FGFR2: variants seen among roughly 807,000 people sequenced by gnomAD.
FGFR2 encodes fibroblast growth factor receptor 2.
In FGFR2, 19 loss-of-function variants were observed where a neutral mutation model predicts 95.9. The ratio of observed to expected loss-of-function variants is 0.20; its 90% confidence interval spans 0.14 to 0.29. The LOEUF (loss-of-function observed/expected upper bound fraction) is 0.29, where lower values mean the gene tolerates loss of function less well. FGFR2 is among the 10% of genes least tolerant of loss of function. The pLI is 1.00. For missense variants in FGFR2, 707 were observed against 1,056.9 expected, an observed-to-expected ratio of 0.67 and a Z score of 4.59; for synonymous variants, 392 against 393.3, an observed-to-expected ratio of 1.00 and a Z score of 0.04.
At chr10:121,592,848 T>G (rs1862867639) in intron 2 of FGFR2, among the ~76,000 whole-genome samples, 1 of 152,168 alleles carries the variant, frequency 6.6e-6, no homozygotes. Context: ...ATCTGCCGTT[T>G]TATTCTCGGA....
At position 121,487,202 on chromosome 10, in the gene FGFR2, A is replaced by G. The variant is rs981733053; in HGVS notation, c.2057+152T>C. ...GTAACAGAGCATTGGTTATCAGCCT[A>G]CCATAAAATCTGTCCTTTCTAAGGC... On this transcript the variant is annotated intron_variant, in intron 15 of 17. Coordinates refer to ENST00000358487, the MANE Select transcript of FGFR2 (RefSeq NM_000141.5). The G allele has an allele frequency of 4.0e-5, 30 of 742,652 alleles. No homozygotes were observed. In the Admixed American group the frequency reaches 5.0e-4, roughly 12 times the overall value. The allele number at this position is 742,652 out of a possible 1,614,324, so 46.0% of individuals were successfully genotyped here.
chr10:121,503,811 T>A lies in FGFR2; in HGVS notation c.1418A>T (p.Lys473Ile), dbSNP rs1383333777. 1 of 1,614,092 alleles carries A rather than the reference T, an allele frequency of 6.2e-7. No individual in the cohort carries two copies. The highest frequency in any genetic ancestry group is 8.5e-7 in the Non-Finnish European group (1 of 1,180,002). Reference protein sequence around the residue: ...VSEYELPEDPKWEFPRDKLTL... With the variant: ...VSEYELPEDPIWEFPRDKLTL... ...TCACTTATCTCTTGGAAACTCCCATTTTGGGTCCTCTGGAAGTTCATACTC... is the reference window on the plus strand; with the variant it reads ...TCACTTATCTCTTGGAAACTCCCATATTGGGTCCTCTGGAAGTTCATACTC... The change falls in exon 10 of 18, where the codon AAA (lysine) becomes ATA (isoleucine). Residue 473 changes from lysine (K) to isoleucine (I), a missense_variant. Lys to Ile is a moderately radical substitution (Grantham distance 102). Around this residue, in one of 7 missense-constraint regions of FGFR2, gnomAD observed 194 missense variants for 267.3 expected, o/e 0.73. Transcript: ENST00000358487.
intron 2 of FGFR2, among the ~76,000 whole-genome samples, chr10:121,577,172 T>TAGAGAGAG (rs1206648416): frequency 3.2e-4 from 1 of 3,142 alleles, no homozygotes; most frequent in African/African-American, 1.4e-3. Context: ...TATATATATA[T>TAGAGAGAG]ATATATAGAG....
chr10:121,517,298 G>A lies in FGFR2; in HGVS notation c.1084+21C>T, dbSNP rs2134253013. ...AACCAAGAAAAGGGAAAAAAACCCA[G>A]AGAGAAAGAACAGTATATACCTGGC... is the stretch of plus-strand genomic sequence containing the variant. On this transcript the variant is annotated intron_variant, in intron 8 of 17. Coordinates refer to ENST00000358487, the MANE Select transcript of FGFR2 (RefSeq NM_000141.5). This position sits in a 1 kb window ranked among gnomAD's most constrained non-coding sequence, Gnocchi z 4.7. 1.9e-6 allele frequency: 3 copies of A among 1,613,954 alleles called. No individual in the cohort carries two copies. Among genetic ancestry groups the A allele is most frequent in the Non-Finnish European group, 2.5e-6 (3 of 1,179,874 alleles).
intron 17 of FGFR2, among the ~76,000 whole-genome samples, chr10:121,483,162 G>A (rs903899466): frequency 2.0e-5 from 3 of 152,170 alleles, no homozygotes; most frequent in Admixed American, 2.0e-4. Context: ...GCTCATTGTA[G>A]AAAACAGTGT....
intron 9 of FGFR2, among the ~76,000 whole-genome samples, chr10:121,511,716 G>A (rs1366834634): frequency 6.6e-6 from 1 of 152,148 alleles, no homozygotes; most frequent in Non-Finnish European, 1.5e-5. Context: ...AGGACACAGG[G>A]AGATGCCACC....
intron 6 of FGFR2, among the ~76,000 whole-genome samples, chr10:121,524,146 AC>A (rs1554933622): frequency 7.3e-6 from 1 of 136,892 alleles, no homozygotes; most frequent in Non-Finnish European, 1.5e-5. Context: ...ACACACACAC[AC>A]CCCAAGTTTG....
chr10:121,540,399 C>G (rs1309192977), intron 5 of FGFR2, among the ~76,000 whole-genome samples: 1 of 152,140 alleles, frequency 6.6e-6, no homozygotes, highest in Non-Finnish European at 1.5e-5. Context: ...AGCGCGTCTC[C>G]CCTTAAGAGA....
At chr10:121,580,072 T>G (rs1050897201) in intron 2 of FGFR2, among the ~76,000 whole-genome samples, 1 of 152,150 alleles carries the variant, frequency 6.6e-6, no homozygotes, top group African/African-American at 2.4e-5. Context: ...CAGATCCCGT[T>G]TGACATTTTC....
In FGFR2 at chr10:121,551,036, C is replaced by T. The variant is rs569953894; in HGVS notation, c.624+254G>A. On this transcript the variant is annotated intron_variant, in intron 5 of 17. Transcript: ENST00000358487. ...GAGATCAAGACCATCCTGGACAACA[C>T]GGTGAAACCCCGTCTCTGCTACAGA... is the stretch of plus-strand genomic sequence containing the variant. Among the ~76,000 whole-genome samples, 148 of 152,112 alleles carry T rather than the reference C, an allele frequency of 9.7e-4. 1 individual carries two copies. Among genetic ancestry groups the T allele is most frequent in the African/African-American group, 3.2e-3 (132 of 41,496 alleles).
intron 7 of FGFR2, among the ~76,000 whole-genome samples, chr10:121,519,104 G>C (rs1411474457): frequency 6.6e-6 from 1 of 152,204 alleles, no homozygotes; most frequent in African/African-American, 2.4e-5. Flanking sequence ...TTGATCCTTG[G>C]AATTATTAGC....
rs1238393242 is a variant in FGFR2 at position 121,485,718 on chromosome 10, A to C, written c.2058-186T>G. 6.6e-6 allele frequency among the ~76,000 whole-genome samples: 1 copy of C among 152,122 alleles called. No individual in the cohort carries two copies. Among genetic ancestry groups the C allele is most frequent in the Non-Finnish European group, 1.5e-5 (1 of 68,016 alleles). On this transcript the variant is annotated intron_variant, in intron 15 of 17. Coordinates refer to ENST00000358487, the MANE Select transcript of FGFR2 (RefSeq NM_000141.5). This position sits in a 1 kb window ranked among gnomAD's most constrained non-coding sequence, Gnocchi z 4.2. ...ATCCCCGAATGATGATGACACGGGG[A>C]TGTGCTGATGGAATTTTCCATCAAT...
intron 5 of FGFR2, among the ~76,000 whole-genome samples, chr10:121,542,154 T>G (rs954587967): frequency 1.3e-5 from 2 of 152,116 alleles, no homozygotes; most frequent in Admixed American, 6.5e-5. Flanking sequence ...TGAAAAACAG[T>G]TAATTCATGA....
At chr10:121,508,552 G>A (rs1168820319) in intron 9 of FGFR2, among the ~76,000 whole-genome samples, 3 of 152,210 alleles carry the variant, frequency 2.0e-5, no homozygotes, top group East Asian at 3.9e-4. Context: ...AGACTGTCTC[G>A]AGAAGATTTT....
chr10:121,541,539 G>A (rs1011619495), intron 5 of FGFR2, among the ~76,000 whole-genome samples: 15 of 152,262 alleles, frequency 9.9e-5, no homozygotes, highest in African/African-American at 2.9e-4. Context: ...TATACAACGC[G>A]TGTTTCTAAA....
chr10:121,543,107 C>T (rs1330002387), intron 5 of FGFR2, among the ~76,000 whole-genome samples: 1 of 152,180 alleles, frequency 6.6e-6, no homozygotes, highest in East Asian at 1.9e-4. Context: ...CCGCCAGTAT[C>T]AGCACCCAAT....
At chr10:121,511,641 T>A (rs1276526025) in intron 9 of FGFR2, among the ~76,000 whole-genome samples, 4 of 151,738 alleles carry the variant, frequency 2.6e-5, no homozygotes, top group Non-Finnish European at 4.4e-5. Context: ...GGAGTGGGAG[T>A]GGGTGAGCAG....
intron 5 of FGFR2, among the ~76,000 whole-genome samples, chr10:121,548,143 G>A (rs913229555): frequency 3.4e-5 from 5 of 148,948 alleles, no homozygotes; most frequent in African/African-American, 7.4e-5. Context: ...CTCCCAGGCC[G>A]CCCCACCCTA....
At chr10:121,589,132 A>G (rs774069136) in intron 2 of FGFR2, among the ~76,000 whole-genome samples, 7 of 152,184 alleles carry the variant, frequency 4.6e-5, no homozygotes, top group Admixed American at 3.3e-4. Context: ...CACACCAGCT[A>G]TATTTCCTAC....
Sources: gnomAD v4.1 joint callset for allele counts (sites outside exome capture counted in the v4.1 genomes callset) on GRCh38, gnomAD v4.1.1 for gene constraint, gnomAD v4.1.1 regional missense constraint, Gnocchi (gnomAD v3.1) non-coding constraint, MANE v1.5 for transcripts, NCBI Gene and HGNC (gene_info 2026-07-23, HGNC 2026-07-21) for gene names.